The following CCDC122 variants were observed in gnomAD, a reference collection of about 807,000 sequenced individuals.
The protein encoded by CCDC122 is coiled-coil domain-containing protein 122.
In CCDC122, 38 loss-of-function variants were observed where a neutral mutation model predicts 37.0. The ratio of observed to expected loss-of-function variants is 1.03; its 90% CI spans 0.79 to 1.35. CCDC122 has a LOEUF of 1.35. CCDC122 is among the 40% of genes most tolerant of loss of function. The pLI is 0.00. For synonymous variants in CCDC122, 83 were observed against 95.6 expected (o/e 0.87, Z 0.77); for missense variants, 305 against 310.0 (o/e 0.98, Z 0.12).
chr13:43,857,841 G>A (rs977794394), intron 6 of CCDC122, among the ~76,000 whole-genome samples: 6 of 152,106 alleles, frequency 3.9e-5, no homozygotes, highest in South Asian at 4.2e-4. Flanking sequence ...AGGCCGAGGC[G>A]GCAGTGAGCT....
intron 6 of CCDC122, chr13:43,854,743 G>A (rs1304708691): frequency 6.6e-6 from 1 of 152,032 alleles, no homozygotes; most frequent in African/African-American, 2.4e-5. Context: ...CTGTTAAATT[G>A]AATCCAGAAG....
chr13:43,862,882 C>A (rs1212879762), intron 4 of CCDC122, among the ~76,000 whole-genome samples: 1 of 151,940 alleles, frequency 6.6e-6, no homozygotes, highest in African/African-American at 2.4e-5. Context: ...GTTTCTTTTG[C>A]CTTTAATCCA....
At chr13:43,849,149 G>A (rs1953641854) in intron 6 of CCDC122, 1 of 697,804 alleles carries the variant, frequency 1.4e-6, no homozygotes, top group Non-Finnish European at 1.8e-6. Flanking sequence ...ACTTTTAAAT[G>A]AATTAGAAGT....
At chr13:43,842,722 GCA>G (rs1163040704) in intron 6 of CCDC122, among the ~76,000 whole-genome samples, 1 of 151,720 alleles carries the variant, frequency 6.6e-6, no homozygotes, top group East Asian at 1.9e-4. Context: ...TTGTAGTTTT[GCA>G]CATTTTTTCA....
rs183777398 is a variant in CCDC122 at position 43,863,470 on chromosome 13, T to C, written c.157-3400A>G. Among the ~76,000 whole-genome samples the C allele has an allele frequency of 2.0e-5, 3 of 152,318 alleles. No homozygotes were observed. In the East Asian group the frequency reaches 5.8e-4, roughly 29 times the overall value. On this transcript the variant is annotated intron_variant, in intron 4 of 6. Coordinates refer to ENST00000444614, the MANE Select transcript of CCDC122 (RefSeq NM_144974.5). ...CAGTTTTCCAGTGGGCATACACATT[T>C]ATTTCTCTTGGGTAAATACCTAAAA...
At chr13:43,852,315 C>T (rs1183104097) in intron 6 of CCDC122, among the ~76,000 whole-genome samples, 2 of 151,982 alleles carry the variant, frequency 1.3e-5, no homozygotes, top group Non-Finnish European at 2.9e-5. Flanking sequence ...CTGAAAAACA[C>T]ACTACAAGAA....
chr13:43,823,483 C>T (rs1953011159), downstream of CCDC122, among the ~76,000 whole-genome samples: 1 of 152,200 alleles, frequency 6.6e-6, no homozygotes, highest in Non-Finnish European at 1.5e-5. Flanking sequence ...TGACAAGTTC[C>T]CAGGATCTAA....
rs1352821340 is a variant in CCDC122 at position 43,836,953 on chromosome 13, A to G, written c.*327T>C. 1 of 188,556 alleles carries G rather than the reference A, an allele frequency of 5.3e-6. No individual in the cohort carries two copies. Among genetic ancestry groups the G allele is most frequent in the African/African-American group, 2.3e-5 (1 of 42,964 alleles). The allele number at this position is 188,556 out of a possible 1,614,324, so 11.7% of individuals were successfully genotyped here. On this transcript the variant is annotated 3_prime_UTR_variant, in exon 7 of 7. Transcript: ENST00000444614. ...AATTCGAGTGTTTTTTCCCTTCTAA[A>G]TTTTTACTTCATAGGGTAGTGAATG...
At chr13:43,862,117 T>C (rs1350664203) in intron 4 of CCDC122, among the ~76,000 whole-genome samples, 1 of 152,178 alleles carries the variant, frequency 6.6e-6, no homozygotes, top group Admixed American at 6.5e-5. Flanking sequence ...AATCATATCA[T>C]GTTATTTCCC....
At chr13:43,870,854 T>C (rs17065166) in intron 2 of CCDC122, among the ~76,000 whole-genome samples, 19,885 of 152,040 alleles carry the variant, frequency 0.13, 1,630 homozygotes, top group African/African-American at 0.22. Flanking sequence ...ACTACCAAGA[T>C]TATGATTTTT....
intron 6 of CCDC122, among the ~76,000 whole-genome samples, chr13:43,837,820 C>T (rs745480312): frequency 9.9e-5 from 15 of 152,066 alleles, no homozygotes; most frequent in Non-Finnish European, 1.5e-4. Context: ...AGAGAGTTAC[C>T]GGTGTTAAAC....
downstream of CCDC122, among the ~76,000 whole-genome samples, chr13:43,834,906 T>C (rs1241520667): frequency 6.6e-6 from 1 of 152,134 alleles, no homozygotes; most frequent in Non-Finnish European, 1.5e-5. Context: ...GTGTGGCGAT[T>C]CCTCAGGGAT....
downstream of CCDC122, among the ~76,000 whole-genome samples, chr13:43,823,643 C>A (rs1953012437): frequency 6.6e-6 from 1 of 152,248 alleles, no homozygotes; most frequent in African/African-American, 2.4e-5. Flanking sequence ...ATGGGTGAAT[C>A]CCCTCTGGCT....
intron 2 of CCDC122, among the ~76,000 whole-genome samples, chr13:43,873,880 C>A (rs1163178041): frequency 6.6e-6 from 1 of 152,150 alleles, no homozygotes; most frequent in Non-Finnish European, 1.5e-5. Context: ...AATGTAAGCT[C>A]CATGATGGCA....
downstream of CCDC122, among the ~76,000 whole-genome samples, chr13:43,823,435 T>C: frequency 6.6e-6 from 1 of 152,192 alleles, no homozygotes; most frequent in East Asian, 1.9e-4. Context: ...GAGCACTCCC[T>C]TGGCCTCGCT....
At chr13:43,853,284 T>C (rs904171776) in intron 6 of CCDC122, among the ~76,000 whole-genome samples, 1 of 151,824 alleles carries the variant, frequency 6.6e-6, no homozygotes, top group Admixed American at 6.6e-5. Flanking sequence ...AGTAAAGGGA[T>C]AGAGGAAAAT....
At chr13:43,868,655 G>C in intron 4 of CCDC122, 39 bp downstream of exon 4, 1 of 1,051,310 alleles carries the variant, frequency 9.5e-7, no homozygotes, top group Non-Finnish European at 1.4e-6. Flanking sequence ...TACTTTTGAA[G>C]AAAGTAAAGA....
downstream of CCDC122, among the ~76,000 whole-genome samples, chr13:43,821,928 C>T (rs191232784): frequency 9.2e-5 from 14 of 152,288 alleles, no homozygotes; most frequent in African/African-American, 2.9e-4. Context: ...TTCCTCAACA[C>T]AGCTATTTTG....
chr13:43,857,603 C>G (rs1443425894), intron 6 of CCDC122, among the ~76,000 whole-genome samples: 1 of 151,676 alleles, frequency 6.6e-6, no homozygotes, highest in East Asian at 1.9e-4. Context: ...TTCTTTTTTT[C>G]ATTAATAATT....
Sources: gnomAD v4.1 joint callset for allele counts (sites outside exome capture counted in the v4.1 genomes callset) on GRCh38, gnomAD v4.1.1 for gene constraint, MANE v1.5 for transcripts, NCBI Gene and HGNC (gene_info 2026-07-23, HGNC 2026-07-21) for gene names.